SLC18A2: variants seen among roughly 807,000 people sequenced by gnomAD.
SLC18A2 encodes the protein solute carrier family 18 member A2.
In SLC18A2, 33 loss-of-function variants were observed where a neutral mutation model predicts 59.2. The observed-to-expected ratio is 0.56, with a 90% CI of 0.42 to 0.75. The LOEUF is 0.75. SLC18A2 is among the 30% of genes least tolerant of loss of function. The pLI, the probability that SLC18A2 is intolerant of heterozygous loss-of-function variation, is 0.00. For missense variants in SLC18A2, 569 were observed against 668.6 expected (o/e 0.85, Z 1.64); for synonymous variants, 228 against 253.5 (o/e 0.90, Z 0.95).
chr10:117,252,195 G>A (rs1844170785), intron 3 of SLC18A2, among the ~76,000 whole-genome samples: 2 of 134,326 alleles, frequency 1.5e-5, no homozygotes, highest in South Asian at 4.6e-4. Flanking sequence ...TGTTGCCCAG[G>A]CTGGTCTTGA....
chr10:117,266,520 T>G (rs932590764), intron 10 of SLC18A2, among the ~76,000 whole-genome samples: 1 of 152,212 alleles, frequency 6.6e-6, no homozygotes, highest in African/African-American at 2.4e-5. Context: ...GAAAGGACTT[T>G]CATTTCTGGA....
chr10:117,250,665 G>A (rs909021359), intron 3 of SLC18A2, among the ~76,000 whole-genome samples: 7 of 152,184 alleles, frequency 4.6e-5, no homozygotes, highest in African/African-American at 1.7e-4. Flanking sequence ...AACACACTCA[G>A]GGTATGCCCG....
intron 10 of SLC18A2, among the ~76,000 whole-genome samples, chr10:117,264,551 T>G (rs1421976086): frequency 6.6e-6 from 1 of 152,152 alleles, no homozygotes; most frequent in African/African-American, 2.4e-5. Flanking sequence ...GGGGAGTGAA[T>G]GGCCACAGAG....
rs1409283731 is a variant in SLC18A2 at position 117,278,218 on chromosome 10, A to G, written c.*952A>G. 11 of 152,214 alleles carry G rather than the reference A, an allele frequency of 7.2e-5. No individual in the cohort carries two copies. The highest frequency in any genetic ancestry group is 1.6e-4 in the Non-Finnish European group (11 of 68,024). 9.4% of individuals were successfully genotyped at this position (152,214 alleles called of 1,614,324 possible). A position where few individuals can be genotyped will look rare whatever the true frequency, so the allele number is the denominator to read the frequency against. On this transcript the variant is annotated 3_prime_UTR_variant, in exon 16 of 16. Transcript: ENST00000644641. ...CTTTGATCTGTTTGCAGGTCATCCA[A>G]GTGTTTTCTAGGAATATATTTATTT...
chr10:117,253,500 G>T, intron 4 of SLC18A2, 43 bp downstream of exon 4: 1 of 1,440,870 alleles, frequency 6.9e-7, no homozygotes, highest in Non-Finnish European at 9.7e-7. Flanking sequence ...GTCTCATCAG[G>T]GTGGGCATTG....
At chr10:117,257,676 A>G (rs1844245421) in intron 9 of SLC18A2, 121 bp from the exon 10 acceptor site, 3 of 529,126 alleles carry the variant, frequency 5.7e-6, no homozygotes, top group Admixed American at 3.6e-5. Context: ...TATGCGATTT[A>G]TCCTTTACTT....
chr10:117,247,082 C>G (rs1844117548), intron 3 of SLC18A2, among the ~76,000 whole-genome samples: 1 of 152,192 alleles, frequency 6.6e-6, no homozygotes, highest in African/African-American at 2.4e-5. Context: ...CACCGCAGTT[C>G]AGATGGATTC....
rs531121390 is a variant in SLC18A2, at chr10:117,241,508, C to T, written c.-15-171C>T. 2.7e-4 allele frequency among the ~76,000 whole-genome samples: 41 copies of T among 151,920 alleles called. No homozygotes were observed. In the Middle Eastern group the frequency reaches 0.014, roughly 51 times the overall value. On this transcript the variant is annotated intron_variant, in intron 1 of 15. Coordinates refer to ENST00000644641, the MANE Select transcript of SLC18A2 (RefSeq NM_003054.6). ...TCGCGGGCGCTCTTTCCAGGGAGCG[C>T]GGGCTCTCGTGGGGACGCGCTCGAG...
chr10:117,275,575 G>A (rs1047900148), intron 15 of SLC18A2, among the ~76,000 whole-genome samples: 3 of 152,200 alleles, frequency 2.0e-5, no homozygotes, highest in Non-Finnish European at 4.4e-5. Context: ...ACCACGGAGT[G>A]CTGCAGGCGG....
intron 10 of SLC18A2, among the ~76,000 whole-genome samples, chr10:117,263,354 C>A (rs993147559): frequency 1.3e-5 from 2 of 152,198 alleles, no homozygotes; most frequent in African/African-American, 4.8e-5. Flanking sequence ...CGCTCCAGTC[C>A]AGGGTGAAAG....
At chr10:117,247,551 C>G (rs1844121360) in intron 3 of SLC18A2, among the ~76,000 whole-genome samples, 1 of 152,216 alleles carries the variant, frequency 6.6e-6, no homozygotes. Context: ...AGCTCAAAAT[C>G]TGTCTTTCTT....
intron 3 of SLC18A2, among the ~76,000 whole-genome samples, chr10:117,252,284 G>A (rs17095973): frequency 0.085 from 12,088 of 142,806 alleles, 1,040 homozygotes; most frequent in African/African-American, 0.22. Flanking sequence ...ATGCTCAGCC[G>A]ATTACAATTT....
chr10:117,271,128 C>T (rs1412657441), intron 15 of SLC18A2, among the ~76,000 whole-genome samples: 1 of 152,172 alleles, frequency 6.6e-6, no homozygotes, highest in Non-Finnish European at 1.5e-5. Context: ...ATTTACCTTA[C>T]CCAGCAAGGA....
Position 117,257,794 on chromosome 10 carries a change from C to A in SLC18A2, c.896-3C>A. On this transcript the variant is annotated splice_polypyrimidine_tract_variant and splice_region_variant and intron_variant, in intron 9 of 15. Transcript: ENST00000644641. ...CACTACAAAGCCCTTTCCTCCCTTA[C>A]AGGCTCCATCTGCTTTGCAAACATG... is the stretch of plus-strand genomic sequence containing the variant. 1 of 1,595,194 alleles carries A rather than the reference C, an allele frequency of 6.3e-7. No homozygotes were observed.
At chr10:117,261,012 C>T (rs1307014278) in intron 10 of SLC18A2, among the ~76,000 whole-genome samples, 1 of 152,116 alleles carries the variant, frequency 6.6e-6, no homozygotes, top group Non-Finnish European at 1.5e-5. Flanking sequence ...TGGAGCTGAG[C>T]TTAAAATGGT....
intron 3 of SLC18A2, among the ~76,000 whole-genome samples, chr10:117,247,068 T>C (rs546012960): frequency 2.0e-4 from 31 of 152,356 alleles, no homozygotes; most frequent in African/African-American, 7.5e-4. Context: ...AAGATTCTGC[T>C]TCCCACCGCA....
At chr10:117,252,171 A>G (rs1844170468) in intron 3 of SLC18A2, among the ~76,000 whole-genome samples, 2 of 116,160 alleles carry the variant, frequency 1.7e-5, no homozygotes, top group Admixed American at 1.1e-4. Context: ...TTTAGTACAG[A>G]CAGGGTTTTG....
At chr10:117,250,567 T>C (rs1844152604) in intron 3 of SLC18A2, among the ~76,000 whole-genome samples, 1 of 152,188 alleles carries the variant, frequency 6.6e-6, no homozygotes, top group African/African-American at 2.4e-5. Context: ...GCACAAACGC[T>C]GTGGTTTTCA....
intron 3 of SLC18A2, among the ~76,000 whole-genome samples, chr10:117,250,379 T>C (rs1284229138): frequency 6.6e-6 from 1 of 152,182 alleles, no homozygotes; most frequent in East Asian, 1.9e-4. Context: ...AACCTCAGCT[T>C]TCTCATCTAA....
Sources: allele counts gnomAD v4.1 joint callset (sites outside exome capture counted in the v4.1 genomes callset), GRCh38; gene constraint gnomAD v4.1.1; transcripts MANE v1.5; gene names NCBI Gene and HGNC (gene_info 2026-07-23, HGNC 2026-07-21).